Variants in POP4 observed in about 807,000 individuals in gnomAD.
POP4 encodes the protein ribonuclease P protein subunit p29.
In POP4, 31 loss-of-function variants were observed where a neutral mutation model predicts 29.9. The observed-to-expected ratio is 1.04, with a 90% confidence interval of 0.78 to 1.40. POP4 has a LOEUF of 1.40. POP4 is among the 40% of genes most tolerant of loss of function. POP4 has a pLI of 0.00. For synonymous variants in POP4, 110 were observed against 108.2 expected (o/e 1.02, Z -0.10); for missense variants, 286 against 282.7 (o/e 1.01, Z -0.08).
chr19:29,613,756 T>C (rs1190072717), intron 5 of POP4, 115 bp from the exon 6 acceptor site: 2 of 1,472,132 alleles, frequency 1.4e-6, no homozygotes, highest in Non-Finnish European at 1.8e-6. Context: ...GCTCTGTTCT[T>C]TCATCTGCTA....
At chr19:29,612,741 T>C (rs1281276724) in intron 5 of POP4, among the ~76,000 whole-genome samples, 2 of 152,198 alleles carry the variant, frequency 1.3e-5, no homozygotes, top group Non-Finnish European at 2.9e-5. Context: ...CACTGGTTGT[T>C]CAGACCAAAA....
Position 29,612,162 on chromosome 19 carries a change from C to T in POP4, c.408C>T (p.His136=), listed in dbSNP as rs142203789. ...IQAKLLKADL[H]GAIISVTKSK... The stretch of plus-strand genomic sequence containing the variant: ...CCAAGCTCTTAAAGGCAGATCTTCA[C>T]GGGGCTATTATTTCAGGTAATTTAC... Residue 136 remains histidine, a synonymous_variant, in exon 5 of 7, where the codon CAC becomes CAT. Transcript: ENST00000585603. 9.5e-5 allele frequency: 153 copies of T among 1,610,170 alleles called. No individual in the cohort carries two copies. The African/African-American group carries it at 1.8e-3, about 19-fold the overall frequency.
In POP4 at chr19:29,610,603, GC is replaced by G; in HGVS notation, c.256del (p.Leu86SerfsTer40). The stretch of plus-strand genomic sequence containing the variant: ...CTGCCAGGCAAAGGAGGGAGCTGCG[GC>G]TCTTTGACATTAAACCAGAGCAGCA... Reference protein sequence around the residue: ...LSARQRRELRLFDIKPEQQRY... With the variant: ...LSARQRRELRXFDIKPEQQRY... On this transcript the variant is annotated frameshift_variant, in exon 3 of 7. Transcript: ENST00000585603. LOFTEE classifies it high-confidence loss of function. 1 of 1,614,096 alleles carries G rather than the reference GC, an allele frequency of 6.2e-7. No homozygotes were observed. The highest frequency in any genetic ancestry group is 8.5e-7 in the Non-Finnish European group (1 of 1,180,028).
rs1337295580 is a variant in POP4 at position 29,616,789 on chromosome 19, C to T, written c.*1409C>T. The T allele has an allele frequency of 2.0e-5, 3 of 152,306 alleles. No homozygotes were observed. The highest frequency in any genetic ancestry group is 4.8e-5 in the African/African-American group (2 of 41,458). 9.4% of individuals were successfully genotyped at this position (152,306 alleles called of 1,614,324 possible). A position where few individuals can be genotyped will look rare whatever the true frequency, so the allele number is the denominator to read the frequency against. ...CGCAGTCACCGCTGCCAGTGATGAACACACGCACGGGCTAGGCACATGGAG... is the reference window on the plus strand; with the variant it reads ...CGCAGTCACCGCTGCCAGTGATGAATACACGCACGGGCTAGGCACATGGAG... On this transcript the variant is annotated 3_prime_UTR_variant, in exon 7 of 7. Coordinates refer to ENST00000585603, the MANE Select transcript of POP4 (RefSeq NM_006627.3).
intron 2 of POP4, among the ~76,000 whole-genome samples, chr19:29,609,535 T>A (rs1001480607): frequency 2.0e-5 from 3 of 152,248 alleles, no homozygotes; most frequent in Non-Finnish European, 2.9e-5. Flanking sequence ...TGCCCAGGTC[T>A]GTGGCAGGCA....
chr19:29,608,262 C>CTTTTCTTTTTTTTTTTTTT (rs1491529433), intron 1 of POP4, among the ~76,000 whole-genome samples: 14 of 86,560 alleles, frequency 1.6e-4, no homozygotes, highest in African/African-American at 5.7e-4. Context: ...CTTTTCTTTT[C>CTTTTCTTTTTTTTTTTTTT]TTTTTTTTTT....
rs1168062606 is a variant in POP4 at position 29,608,815 on chromosome 19, C to G, written c.60+106C>G. 1.3e-5 allele frequency: 14 copies of G among 1,087,494 alleles called. No homozygotes were observed. In the South Asian group the frequency reaches 1.7e-4, roughly 13 times the overall value. 67.4% of individuals were successfully genotyped at this position (1,087,494 alleles called of 1,614,324 possible). Reference sequence around the variant, plus strand: ...TTGAGATGTCCTTTCCCACATCATACTCCTCATTTTTCTGGCAGACATCTA... The same window carrying G: ...TTGAGATGTCCTTTCCCACATCATAGTCCTCATTTTTCTGGCAGACATCTA... On this transcript the variant is annotated intron_variant, in intron 2 of 6. Transcript: ENST00000585603.
intron 6 of POP4, among the ~76,000 whole-genome samples, chr19:29,614,704 A>G (rs942969382): frequency 7.2e-5 from 11 of 152,186 alleles, no homozygotes; most frequent in Non-Finnish European, 1.5e-4. Context: ...GGGTTTCACC[A>G]TGTTGGACAG....
At chr19:29,606,631 C>T in intron 1 of POP4, 1 of 335,866 alleles carries the variant, frequency 3.0e-6, no homozygotes, top group Middle Eastern at 8.0e-4. Flanking sequence ...GGGGTGACCG[C>T]GGTCAAGATC....
chr19:29,613,799 T>C, intron 5 of POP4, 72 bp from the exon 6 acceptor site: 1 of 1,540,226 alleles, frequency 6.5e-7, no homozygotes, highest in Non-Finnish European at 8.7e-7. Context: ...CCCCAACCCC[T>C]GAGGCCTGCT....
At position 29,612,505 on chromosome 19, in the gene POP4, A is replaced by G. The variant is rs113746949; in HGVS notation, c.424+327A>G. Among the ~76,000 whole-genome samples the G allele has an allele frequency of 2.6e-5, 4 of 152,136 alleles. 1 individual carries two copies. Among genetic ancestry groups the G allele is most frequent in the African/African-American group, 9.6e-5 (4 of 41,520 alleles). ...TTGAACACAGAATCCCTTTCATCCA[A>G]TGCTGTGGTTTCAAATGTCAGCTAC... On this transcript the variant is annotated intron_variant, in intron 5 of 6. Transcript: ENST00000585603.
Position 29,615,501 on chromosome 19 carries a change from A to T in POP4, c.*121A>T. ...ATTTATAGACCACCTCCAGCCAGTG[A>T]CGCTCCGAGTTGAGGATGTTGAACA... On this transcript the variant is annotated 3_prime_UTR_variant, in exon 7 of 7. Coordinates refer to ENST00000585603, the MANE Select transcript of POP4 (RefSeq NM_006627.3). The T allele has an allele frequency of 9.1e-7, 1 of 1,096,316 alleles. No homozygotes were observed. Among genetic ancestry groups the T allele is most frequent in the Non-Finnish European group, 1.3e-6 (1 of 778,108 alleles). 67.9% of individuals were successfully genotyped at this position (1,096,316 alleles called of 1,614,324 possible).
intron 5 of POP4, chr19:29,613,075 C>G (rs78451284): frequency 0.01 from 1,544 of 152,986 alleles, 24 homozygotes; most frequent in African/African-American, 0.035. Flanking sequence ...TACCTCTACC[C>G]GGGAGTTCTC....
At chr19:29,613,813 C>T in intron 5 of POP4, 58 bp from the exon 6 acceptor site, 2 of 1,553,484 alleles carry the variant, frequency 1.3e-6, no homozygotes, top group South Asian at 1.2e-5. Flanking sequence ...GCCTGCTTCT[C>T]TGTGGTTCCC....
rs1971135432 is a variant in POP4, at chr19:29,616,680, C to G, written c.*1300C>G. The G allele has an allele frequency of 6.6e-6, 1 of 152,532 alleles. No individual in the cohort carries two copies. Among genetic ancestry groups the G allele is most frequent in the African/African-American group, 2.4e-5 (1 of 41,456 alleles). The allele number at this position is 152,532 out of a possible 1,614,324, so 9.4% of individuals were successfully genotyped here. A position where few individuals can be genotyped will look rare whatever the true frequency, so the allele number is the denominator to read the frequency against. On this transcript the variant is annotated 3_prime_UTR_variant, in exon 7 of 7. Transcript: ENST00000585603. Reference sequence around the variant, plus strand: ...GAGTCTCACAGGGACCAACACGGTGCCTCGGTCCTGCTTCCATCCATGCAA... The same window carrying G: ...GAGTCTCACAGGGACCAACACGGTGGCTCGGTCCTGCTTCCATCCATGCAA...
At chr19:29,609,811 G>C (rs1013116730) in intron 2 of POP4, among the ~76,000 whole-genome samples, 3 of 152,280 alleles carry the variant, frequency 2.0e-5, no homozygotes, top group South Asian at 4.1e-4. Context: ...CTTCCTCCAA[G>C]TGATGGTCTG....
Position 29,616,418 on chromosome 19 carries a change from G to A in POP4, c.*1038G>A, listed in dbSNP as rs1971132000. On this transcript the variant is annotated 3_prime_UTR_variant, in exon 7 of 7. Coordinates refer to ENST00000585603, the MANE Select transcript of POP4 (RefSeq NM_006627.3). The stretch of plus-strand genomic sequence containing the variant: ...CCTTCCCTTTGAGGAGCAAGTCTCT[G>A]CCGATCAGCAAGGCAAGGCCAGGAG... 1 of 152,240 alleles carries A rather than the reference G, an allele frequency of 6.6e-6. No individual in the cohort carries two copies. The allele number at this position is 152,240 out of a possible 1,614,324, so 9.4% of individuals were successfully genotyped here.
chr19:29,607,496 A>G (rs979567651), intron 1 of POP4, among the ~76,000 whole-genome samples: 1 of 152,216 alleles, frequency 6.6e-6, no homozygotes, highest in East Asian at 1.9e-4. Flanking sequence ...ACCACCTTGC[A>G]TCAAACATTC....
At position 29,614,958 on chromosome 19, in the gene POP4, CCAG is replaced by C. The variant is rs1355731953; in HGVS notation, c.527-285_527-283del. ...CCATCTGAAAGTTAATGTGGGAAAA[CCAG>C]TTTCTGGCAGGTGTTCTGGGACTTT... On this transcript the variant is annotated intron_variant, in intron 6 of 6. Transcript: ENST00000585603. Among the ~76,000 whole-genome samples, 4 of 152,200 alleles carry C rather than the reference CCAG, an allele frequency of 2.6e-5. No individual in the cohort carries two copies. In the East Asian group the frequency reaches 7.7e-4, roughly 29 times the overall value.
Sources: gnomAD v4.1 joint callset for allele counts (sites outside exome capture counted in the v4.1 genomes callset) on GRCh38, gnomAD v4.1.1 for gene constraint, MANE v1.5 for transcripts, NCBI Gene and HGNC (gene_info 2026-07-23, HGNC 2026-07-21) for gene names.